The following GPM6B variants were observed in gnomAD, a reference collection of about 807,000 sequenced individuals.
GPM6B encodes the protein neuronal membrane glycoprotein M6-b.
Under a neutral mutation model 27.2 loss-of-function variants are expected in GPM6B, and 4 were observed. The observed-to-expected ratio is 0.15, with a 90% CI of 0.07 to 0.34. The LOEUF (loss-of-function observed/expected upper bound fraction) is 0.34, where lower values mean the gene tolerates loss of function less well. Ranked by LOEUF, GPM6B falls within the 10% of genes least tolerant of loss-of-function variation. The pLI is 1.00. For missense variants in GPM6B, 183 were observed against 261.9 expected, an observed-to-expected ratio of 0.70 and a Z score of 2.08; for synonymous variants, 124 against 103.1, an observed-to-expected ratio of 1.20 and a Z score of -1.23.
chrX:13,773,065 C>A, intron 7 of GPM6B, 35 bp from the exon 8 acceptor site: 1 of 1,181,680 alleles, frequency 8.5e-7, no homozygotes, highest in Non-Finnish European at 1.1e-6. Flanking sequence ...GGCTAGTGAG[C>A]ATTGTGAGAA....
At chrX:13,847,759 T>C (rs1033555829) in intron 1 of GPM6B, among the ~76,000 whole-genome samples, 2 of 112,324 alleles carry the variant, frequency 1.8e-5, no homozygotes, top group Non-Finnish European at 3.8e-5. Context: ...TAAACACTGA[T>C]TTTTAAAATG....
intron 2 of GPM6B, among the ~76,000 whole-genome samples, chrX:13,789,008 G>T (rs896127624): frequency 9.0e-6 from 1 of 111,634 alleles, no homozygotes; most frequent in African/African-American, 3.3e-5. Context: ...TAGGAACCCT[G>T]GCTCCTATAG....
intron 1 of GPM6B, among the ~76,000 whole-genome samples, chrX:13,865,019 G>A (rs1316355400): frequency 8.9e-6 from 1 of 112,210 alleles, no homozygotes; most frequent in African/African-American, 3.2e-5. Context: ...TTATGTGAAT[G>A]TAGTCTCTCT....
At chrX:13,803,731 A>C (rs1201690496) in intron 2 of GPM6B, among the ~76,000 whole-genome samples, 1 of 112,012 alleles carries the variant, frequency 8.9e-6, no homozygotes, top group Non-Finnish European at 1.9e-5. Flanking sequence ...GCTTCCATCA[A>C]CTACTTTCTC....
intron 1 of GPM6B, among the ~76,000 whole-genome samples, chrX:13,899,439 T>C (rs1414845518): frequency 3.3e-5 from 3 of 91,211 alleles, no homozygotes; most frequent in African/African-American, 1.2e-4. Flanking sequence ...AAAGATTGCA[T>C]AGGGAGGCAA....
chrX:13,824,029 G>A (rs777906886), intron 1 of GPM6B, among the ~76,000 whole-genome samples: 12 of 111,940 alleles, frequency 1.1e-4, no homozygotes, highest in African/African-American at 3.6e-4. Flanking sequence ...AGTCAAGGTC[G>A]GTATTGCTGC....
intron 1 of GPM6B, among the ~76,000 whole-genome samples, chrX:13,927,504 T>C (rs1052164883): frequency 1.8e-5 from 2 of 112,905 alleles, no homozygotes; most frequent in Admixed American, 9.3e-5. Context: ...CAATTTCCTA[T>C]GTAGTTCCAT....
At chrX:13,786,354 C>T (rs778498143) in intron 2 of GPM6B, among the ~76,000 whole-genome samples, 6 of 112,037 alleles carry the variant, frequency 5.4e-5, no homozygotes, top group Non-Finnish European at 9.4e-5. Context: ...AGCAATTATG[C>T]CGTCGCCAGG....
intron 1 of GPM6B, among the ~76,000 whole-genome samples, chrX:13,909,179 A>C (rs2050356620): frequency 1.1e-5 from 1 of 91,638 alleles, no homozygotes; most frequent in South Asian, 5.9e-4. Flanking sequence ...GCTGGAGTGC[A>C]GTGGCATGAT....
chrX:13,807,600 A>G (rs1316052556), intron 2 of GPM6B, 50 bp downstream of exon 2: 1 of 1,004,619 alleles, frequency 1.0e-6, no homozygotes, highest in Admixed American at 2.8e-5. Context: ...AAATAATATT[A>G]AAGATAACAG....
At chrX:13,779,167 A>G (rs1461161693) in intron 5 of GPM6B, among the ~76,000 whole-genome samples, 1 of 111,593 alleles carries the variant, frequency 9.0e-6, no homozygotes, top group Non-Finnish European at 1.9e-5. Context: ...TCAAGTCCCA[A>G]ATTAACTGAC....
chrX:13,861,494 C>G (rs941533007), intron 1 of GPM6B, among the ~76,000 whole-genome samples: 1 of 111,770 alleles, frequency 8.9e-6, no homozygotes, highest in Non-Finnish European at 1.9e-5. Flanking sequence ...TACAAAAATT[C>G]ATTTTCTATG....
chrX:13,802,299 G>A (rs967770421), intron 2 of GPM6B, among the ~76,000 whole-genome samples: 2 of 110,226 alleles, frequency 1.8e-5, no homozygotes, highest in Non-Finnish European at 3.8e-5. Context: ...CAGAAAGCCC[G>A]AGATCAACAC....
chrX:13,920,277 AAAAAAAAAAAAG>A (rs1489604543), intron 1 of GPM6B, among the ~76,000 whole-genome samples: 1 of 82,295 alleles, frequency 1.2e-5, no homozygotes, highest in African/African-American at 4.0e-5. Flanking sequence ...AAAAAAAAAA[AAAAAAAAAAAAG>A]AAAGAAAGAA....
At chrX:13,793,653 C>T (rs1227362473) in intron 2 of GPM6B, among the ~76,000 whole-genome samples, 1 of 112,131 alleles carries the variant, frequency 8.9e-6, no homozygotes, top group Non-Finnish European at 1.9e-5. Context: ...CATTATAGAG[C>T]AGAGGTTCTC....
chrX:13,927,603 C>A (rs1204009813), intron 1 of GPM6B, among the ~76,000 whole-genome samples: 3 of 112,797 alleles, frequency 2.7e-5, no homozygotes, highest in African/African-American at 9.6e-5. Flanking sequence ...GCCAAAGATT[C>A]ACTAACTACT....
At chrX:13,826,432 A>T (rs990583021) in intron 1 of GPM6B, among the ~76,000 whole-genome samples, 3 of 111,699 alleles carry the variant, frequency 2.7e-5, no homozygotes, top group African/African-American at 9.8e-5. Flanking sequence ...GGCCGGGTAC[A>T]GTGTGGCTCA....
At position 13,789,658 on chromosome X, in the gene GPM6B, C is replaced by A. The variant is rs1213479635; in HGVS notation, c.182-3850G>T. Among the ~76,000 whole-genome samples, 3 of 110,975 alleles carry A rather than the reference C, an allele frequency of 2.7e-5. No individual in the cohort carries two copies. In the East Asian group the frequency reaches 8.6e-4, roughly 32 times the overall value. ...GGCGTGGTGGTGGGCGCCTGTAGTC[C>A]CAGCTACTCGGGAGGCTGAGGCAGG... On this transcript the variant is annotated intron_variant, in intron 2 of 7. Transcript: ENST00000316715.
At chrX:13,841,962 C>T (rs758503242) in intron 1 of GPM6B, among the ~76,000 whole-genome samples, 12 of 112,093 alleles carry the variant, frequency 1.1e-4, no homozygotes, top group Non-Finnish European at 2.1e-4. Context: ...CTTCAAGGTG[C>T]AACTCAAGGG....
Sources: allele counts gnomAD v4.1 joint callset (sites outside exome capture counted in the v4.1 genomes callset), GRCh38; gene constraint gnomAD v4.1.1; transcripts MANE v1.5; gene names NCBI Gene and HGNC (gene_info 2026-07-23, HGNC 2026-07-21).